AOPEP: variants seen among roughly 807,000 people sequenced by gnomAD.
The protein encoded by AOPEP is aminopeptidase O (putative), also known as aminopeptidase O.
In AOPEP, 77 loss-of-function variants were observed where a neutral mutation model predicts 98.1. The observed-to-expected ratio is 0.78, with a 90% CI of 0.65 to 0.95. The LOEUF (loss-of-function observed/expected upper bound fraction) is 0.95, where lower values mean the gene tolerates loss of function less well. Among genes scored for constraint, AOPEP ranks in the 40% least tolerant of loss-of-function variants. AOPEP has a pLI of 0.00. For missense variants in AOPEP, 1,024 were observed against 1,024.7 expected (o/e 1.00, Z 0.01); for synonymous variants, 346 against 365.3 (o/e 0.95, Z 0.60).
At chr9:94,897,762 TG>T (rs1322535299) in intron 5 of AOPEP, among the ~76,000 whole-genome samples, 1 of 152,164 alleles carries the variant, frequency 6.6e-6, no homozygotes, top group African/African-American at 2.4e-5. Flanking sequence ...CATTCTCATT[TG>T]TTTTTTTGTG....
At chr9:95,046,804 T>C (rs1241280432) in intron 13 of AOPEP, among the ~76,000 whole-genome samples, 1 of 152,226 alleles carries the variant, frequency 6.6e-6, no homozygotes, top group Non-Finnish European at 1.5e-5. Context: ...CTGATTTTCT[T>C]AGTTTTAAGT....
the AOPEP span, among the ~76,000 whole-genome samples, chr9:95,097,387 C>T: frequency 3.3e-5 from 5 of 152,198 alleles, no homozygotes; most frequent in African/African-American, 7.2e-5. Flanking sequence ...AAGCCAGATG[C>T]GTGATTTCCT....
the AOPEP span, chr9:95,107,525 T>C: frequency 1.7e-6 from 1 of 571,664 alleles, no homozygotes. Flanking sequence ...TTTTTTTGTA[T>C]AAAAGGAAAC....
chr9:94,731,233 T>G (rs1171350099), intron 1 of AOPEP, among the ~76,000 whole-genome samples: 1 of 150,082 alleles, frequency 6.7e-6, no homozygotes, highest in Admixed American at 6.6e-5. Flanking sequence ...TCCAACTTGT[T>G]TTTTTTTTTT....
intron 7 of AOPEP, among the ~76,000 whole-genome samples, chr9:94,939,422 G>A (rs2056741120): frequency 6.6e-6 from 1 of 152,164 alleles, no homozygotes. Flanking sequence ...AGGTCTGGTT[G>A]ATCCTGCCTC....
intron 5 of AOPEP, chr9:94,810,116 T>A (rs1004833201): frequency 1.3e-5 from 2 of 155,566 alleles, no homozygotes; most frequent in African/African-American, 4.8e-5. Flanking sequence ...GTGAGAAAGC[T>A]CCCTGGTGAG....
intron 13 of AOPEP, among the ~76,000 whole-genome samples, chr9:95,030,573 G>A (rs565296008): frequency 2.0e-5 from 3 of 152,138 alleles, no homozygotes; most frequent in African/African-American, 7.2e-5. Context: ...GGATCGTGTC[G>A]GACTGTGAGA....
At chr9:94,778,625 T>C (rs1842671840) in intron 3 of AOPEP, among the ~76,000 whole-genome samples, 1 of 152,110 alleles carries the variant, frequency 6.6e-6, no homozygotes, top group African/African-American at 2.4e-5. Context: ...TAGGAAGAAA[T>C]GAGTGCAAGG....
intron 5 of AOPEP, among the ~76,000 whole-genome samples, chr9:94,847,127 T>TACACACACACACACACAC (rs57318947): frequency 9.8e-4 from 123 of 125,182 alleles, no homozygotes; most frequent in African/African-American, 1.6e-3. Flanking sequence ...GTTCCCTTTG[T>TACACACACACACACACAC]ACACACACAC....
At chr9:95,010,431 G>A (rs1387022384) in intron 13 of AOPEP, among the ~76,000 whole-genome samples, 3 of 152,164 alleles carry the variant, frequency 2.0e-5, no homozygotes, top group Non-Finnish European at 4.4e-5. Context: ...ATGAACCTAT[G>A]GAGTGCTGAG....
intron 4 of AOPEP, among the ~76,000 whole-genome samples, chr9:94,799,152 A>T (rs930211443): frequency 2.0e-4 from 31 of 152,178 alleles, no homozygotes; most frequent in Admixed American, 2.0e-3. Context: ...TGGGTAAGTG[A>T]AAGGTACTTC....
intron 10 of AOPEP, among the ~76,000 whole-genome samples, chr9:94,971,699 T>C (rs993402577): frequency 3.3e-5 from 5 of 152,200 alleles, no homozygotes; most frequent in Admixed American, 3.3e-4. Context: ...TTGCTTTGAT[T>C]TACTCAACAT....
rs115654480 is a variant in AOPEP at position 94,884,293 on chromosome 9, C to T, written c.1365-39693C>T. ...AACAAAAAACAATTAAGGGTGCTTA[C>T]GTGAGACTTTGAAATTCAAACCCAA... On this transcript the variant is annotated intron_variant, in intron 5 of 16. Coordinates refer to ENST00000375315, the MANE Select transcript of AOPEP (RefSeq NM_001193329.3). 9.0e-3 allele frequency among the ~76,000 whole-genome samples: 1,366 copies of T among 152,240 alleles called. 29 individuals are homozygous for T. Among genetic ancestry groups the T allele is most frequent in the African/African-American group, 0.031 (1,289 of 41,536 alleles).
intron 5 of AOPEP, among the ~76,000 whole-genome samples, chr9:94,885,938 C>T (rs566666151): frequency 6.6e-6 from 1 of 152,118 alleles, no homozygotes; most frequent in Admixed American, 6.5e-5. Flanking sequence ...GAAATCAGGG[C>T]AGTGCCAGAA....
chr9:95,016,223 T>C (rs531621980), intron 13 of AOPEP, among the ~76,000 whole-genome samples: 4 of 151,420 alleles, frequency 2.6e-5, no homozygotes, highest in Admixed American at 2.0e-4. Flanking sequence ...TCTAGAGTTA[T>C]TCAAAGTTTC....
chr9:94,843,108 G>C (rs561108530), intron 5 of AOPEP, among the ~76,000 whole-genome samples: 129 of 152,140 alleles, frequency 8.5e-4, no homozygotes, highest in African/African-American at 2.9e-3. Context: ...CTCTCTCTCT[G>C]GGACTCTAAC....
At chr9:94,918,830 C>T (rs916803680) in intron 5 of AOPEP, among the ~76,000 whole-genome samples, 5 of 151,896 alleles carry the variant, frequency 3.3e-5, no homozygotes, top group African/African-American at 1.2e-4. Flanking sequence ...GGGCTTTCCT[C>T]AGTCTCTCTG....
At chr9:94,829,755 A>G (rs561373419) in intron 5 of AOPEP, among the ~76,000 whole-genome samples, 5 of 152,190 alleles carry the variant, frequency 3.3e-5, no homozygotes, top group East Asian at 3.9e-4. Flanking sequence ...CATTACACCT[A>G]TATTTCCTTT....
chr9:95,139,536 G>A, the AOPEP span, among the ~76,000 whole-genome samples: 3 of 152,152 alleles, frequency 2.0e-5, no homozygotes, highest in Non-Finnish European at 2.9e-5. Flanking sequence ...TGGCGGAACA[G>A]AGTGTGGGCC....
Sources: gnomAD v4.1 joint callset for allele counts (sites outside exome capture counted in the v4.1 genomes callset) on GRCh38, gnomAD v4.1.1 for gene constraint, MANE v1.5 for transcripts, NCBI Gene and HGNC (gene_info 2026-07-23, HGNC 2026-07-21) for gene names.